Variants in SDC1 observed in about 807,000 individuals in gnomAD.
SDC1 encodes syndecan-1.
A neutral mutation model predicts 29.7 loss-of-function variants in SDC1; 14 were observed. That is an observed-to-expected ratio of 0.47 (90% CI 0.31 to 0.74). The LOEUF is 0.74. Among genes scored for constraint, SDC1 ranks in the 30% least tolerant of loss-of-function variants. The probability of loss-of-function intolerance (pLI) is 0.05; values close to 1 mark genes in which losing one functional copy is unlikely to be tolerated. For synonymous variants in SDC1, 204 were observed against 175.5 expected (o/e 1.16, Z -1.29); for missense variants, 406 against 400.3 (o/e 1.01, Z -0.12).
intron 1 of SDC1, among the ~76,000 whole-genome samples, chr2:20,222,197 C>T (rs1219071646): frequency 6.6e-6 from 1 of 152,196 alleles, no homozygotes. Flanking sequence ...TCCTAGCAGC[C>T]TCCCCTCACC....
Position 20,203,850 on chromosome 2 carries a change from G to C in SDC1, c.590C>G (p.Ser197Cys). 1 of 1,604,414 alleles carries C rather than the reference G, an allele frequency of 6.2e-7. No individual in the cohort carries two copies. Among genetic ancestry groups the C allele is most frequent in the Non-Finnish European group, 8.5e-7 (1 of 1,177,242 alleles). The change falls in exon 3 of 5, where the codon TCC becomes TGC. Residue 197 changes from serine (S) to cysteine (C), a missense_variant. Physicochemically the swap from Ser to Cys is moderately radical, Grantham distance 112. Transcript: ENST00000254351. ...GCCCTCTGCTGCTGGGAGCTGACTG[G>C]AGGCTCCATCCTCAGCAGCCCTCTC... The part of the protein sequence containing the change: ...ATERAAEDGA[S>C]SQLPAAEGSG...
intron 2 of SDC1, among the ~76,000 whole-genome samples, chr2:20,204,882 A>G (rs1677202725): frequency 6.6e-6 from 1 of 152,178 alleles, no homozygotes; most frequent in Non-Finnish European, 1.5e-5. Context: ...CCACAGGGAA[A>G]GGGGAAGTAA....
At chr2:20,206,241 G>C (rs943234444) in intron 1 of SDC1, among the ~76,000 whole-genome samples, 1 of 152,182 alleles carries the variant, frequency 6.6e-6, no homozygotes, top group African/African-American at 2.4e-5. Flanking sequence ...GGCCTGGGAC[G>C]GGCCCTGCTG....
chr2:20,219,481 G>A (rs1043405421), intron 1 of SDC1, among the ~76,000 whole-genome samples: 6 of 152,198 alleles, frequency 3.9e-5, no homozygotes, highest in Admixed American at 2.0e-4. Context: ...TTGCCTCTGC[G>A]GCCTCACCTC....
At chr2:20,222,905 C>T (rs1179455160) in intron 1 of SDC1, among the ~76,000 whole-genome samples, 1 of 152,178 alleles carries the variant, frequency 6.6e-6, no homozygotes, top group African/African-American at 2.4e-5. Flanking sequence ...GCTGAGGCCC[C>T]ATCATGTGCG....
rs1677945390 is a variant in SDC1 at position 20,224,973 on chromosome 2, C to G, written c.-106G>C. On this transcript the variant is annotated 5_prime_UTR_variant, in exon 1 of 5. Transcript: ENST00000254351. This position sits in a 1 kb window ranked among gnomAD's most constrained non-coding sequence, Gnocchi z 4.9. ...TGCTCTCTTGGGCGCCTGCCCAGCG[C>G]GCCGCTGTCCCAGGCGAGGGCTGCA... is the stretch of plus-strand genomic sequence containing the variant. 2.6e-6 allele frequency: 3 copies of G among 1,174,514 alleles called. No individual in the cohort carries two copies. The African/African-American group carries it at 4.8e-5, about 19-fold the overall frequency. The allele number at this position is 1,174,514 out of a possible 1,614,324, so 72.8% of individuals were successfully genotyped here.
At chr2:20,212,494 G>A (rs1241062541) in intron 1 of SDC1, among the ~76,000 whole-genome samples, 2 of 152,188 alleles carry the variant, frequency 1.3e-5, no homozygotes, top group South Asian at 2.1e-4. Context: ...AACACAGCCC[G>A]CCAGGGAGGC....
At position 20,202,630 on chromosome 2, in the gene SDC1, G is replaced by A. The variant is rs1677057178; in HGVS notation, c.*136C>T. The A allele has an allele frequency of 4.7e-6, 4 of 847,600 alleles. No homozygotes were observed. The South Asian group carries it at 5.1e-5, about 11-fold the overall frequency. 52.5% of individuals were successfully genotyped at this position (847,600 alleles called of 1,614,324 possible). On this transcript the variant is annotated 3_prime_UTR_variant, in exon 5 of 5. Coordinates refer to ENST00000254351, the MANE Select transcript of SDC1 (RefSeq NM_002997.5). ...CCCAGCACACCCCACGACTCCGTGG[G>A]CAGGAGCGACCAGAGGGGCTGGAAT...
rs146986407 is a variant in SDC1 at position 20,218,528 on chromosome 2, G to GAC, written c.66+6272_66+6273dup. On this transcript the variant is annotated intron_variant, in intron 1 of 4. Transcript: ENST00000254351. The stretch of plus-strand genomic sequence containing the variant: ...TAAGCACCCCCCCACCACACACACA[G>GAC]ACACACACACACACAGACACACACA... Among the ~76,000 whole-genome samples, 6 of 145,336 alleles carry GAC rather than the reference G, an allele frequency of 4.1e-5. No individual in the cohort carries two copies. In the East Asian group the frequency reaches 5.9e-4, roughly 14 times the overall value.
At position 20,206,057 on chromosome 2, in the gene SDC1, C is replaced by T. The variant is rs560114075; in HGVS notation, c.67-633G>A. Among the ~76,000 whole-genome samples the T allele has an allele frequency of 4.6e-5, 7 of 152,354 alleles. No homozygotes were observed. In the South Asian group the frequency reaches 1.4e-3, roughly 32 times the overall value. ...GGCAACCCCAGGCCTGGCCCTGATACACCTTCCCACACTTGGCCCAGTTCC... is the reference window on the plus strand; with the variant it reads ...GGCAACCCCAGGCCTGGCCCTGATATACCTTCCCACACTTGGCCCAGTTCC... On this transcript the variant is annotated intron_variant, in intron 1 of 4. Coordinates refer to ENST00000254351, the MANE Select transcript of SDC1 (RefSeq NM_002997.5).
upstream of SDC1, chr2:20,225,181 C>T (rs879477571): frequency 4.9e-4 from 101 of 205,770 alleles, no homozygotes; most frequent in Admixed American, 1.4e-3. Context: ...CCAGTCCACA[C>T]CCCCCAGGAC....
chr2:20,223,433 C>T (rs906787873), intron 1 of SDC1: 4 of 463,448 alleles, frequency 8.6e-6, no homozygotes, highest in Non-Finnish European at 1.6e-5. Context: ...TCCCTGCCCA[C>T]GTGCCTCCCT....
chr2:20,221,875 T>C (rs990086277), intron 1 of SDC1, among the ~76,000 whole-genome samples: 6 of 152,152 alleles, frequency 3.9e-5, no homozygotes, highest in Admixed American at 6.5e-5. Flanking sequence ...ACATCACTTC[T>C]AGAAGGCTCT....
chr2:20,224,054 TCGGCCGTGCC>T lies in SDC1; in HGVS notation c.66+738_66+747del, dbSNP rs1206912530. On this transcript the variant is annotated intron_variant, in intron 1 of 4. Transcript: ENST00000254351. The surrounding 1 kb of genome is among the most constrained non-coding windows in gnomAD (Gnocchi z 4.9). ...CCCTCGCGTGGAAGGCGCCTGCGCC[TCGGCCGTGCC>T]CGGCACGGGAACGCGCCCTCCGGGG... 1 of 258,298 alleles carries T rather than the reference TCGGCCGTGCC, an allele frequency of 3.9e-6. No individual in the cohort carries two copies. Among genetic ancestry groups the T allele is most frequent in the Non-Finnish European group, 8.1e-6 (1 of 124,168 alleles). 16.0% of individuals were successfully genotyped at this position (258,298 alleles called of 1,614,324 possible).
At chr2:20,207,334 TCATAGCC>T (rs1339811969) in intron 1 of SDC1, 1 of 849,038 alleles carries the variant, frequency 1.2e-6, no homozygotes, top group Non-Finnish European at 1.4e-6. Flanking sequence ...GAAGGGCAAT[TCATAGCC>T]CATCTACAGT....
rs531165209 is a variant in SDC1 at position 20,202,077 on chromosome 2, C to T, written c.*689G>A. The T allele has an allele frequency of 2.5e-4, 138 of 545,698 alleles. 2 individuals are homozygous for T. The East Asian group carries it at 4.1e-3, about 16-fold the overall frequency. 33.8% of individuals were successfully genotyped at this position (545,698 alleles called of 1,614,324 possible). ...CAAACTAAGCCTACATTTTGGCTTC[C>T]AGATTTGGTTCTCCTAGTTTAAAAA... is the stretch of plus-strand genomic sequence containing the variant. On this transcript the variant is annotated 3_prime_UTR_variant, in exon 5 of 5. Coordinates refer to ENST00000254351, the MANE Select transcript of SDC1 (RefSeq NM_002997.5).
rs141576005 is a variant in SDC1, at chr2:20,221,191, C to T, written c.66+3611G>A. On this transcript the variant is annotated intron_variant, in intron 1 of 4. Coordinates refer to ENST00000254351, the MANE Select transcript of SDC1 (RefSeq NM_002997.5). ...AATCCACATATCACAGATCATCAGTCTCACTCACAGGCAAGGCCCTTACCC... is the reference window on the plus strand; with the variant it reads ...AATCCACATATCACAGATCATCAGTTTCACTCACAGGCAAGGCCCTTACCC... 3.9e-5 allele frequency among the ~76,000 whole-genome samples: 6 copies of T among 152,304 alleles called. No homozygotes were observed. In the East Asian group the frequency reaches 1.2e-3, roughly 29 times the overall value.
intron 1 of SDC1, among the ~76,000 whole-genome samples, chr2:20,208,528 G>A (rs1428407124): frequency 3.3e-5 from 5 of 152,222 alleles, no homozygotes; most frequent in Non-Finnish European, 5.9e-5. Flanking sequence ...TGAGATTTCA[G>A]CCCCCTGAGG....
chr2:20,204,440 T>C, intron 2 of SDC1, 149 bp from the exon 3 acceptor site: 1 of 649,270 alleles, frequency 1.5e-6, no homozygotes, highest in South Asian at 1.9e-5. Context: ...ACAAGGCAGC[T>C]GAGGCTAAGC....
Sources: gnomAD v4.1 joint callset for allele counts (sites outside exome capture counted in the v4.1 genomes callset) on GRCh38, gnomAD v4.1.1 for gene constraint, Gnocchi (gnomAD v3.1) non-coding constraint, MANE v1.5 for transcripts, NCBI Gene and HGNC (gene_info 2026-07-23, HGNC 2026-07-21) for gene names.